Variants in SEPTIN9 observed in about 807,000 individuals in gnomAD.
SEPTIN9 encodes septin-9.
In SEPTIN9, 13 loss-of-function variants were observed where a neutral mutation model predicts 56.6. The observed-to-expected ratio is 0.23, with a 90% CI of 0.15 to 0.37. The LOEUF (loss-of-function observed/expected upper bound fraction) is 0.37, where lower values mean the gene tolerates loss of function less well. Ranked by LOEUF, SEPTIN9 falls within the 10% of genes least tolerant of loss-of-function variation. The pLI is 1.00. For synonymous variants in SEPTIN9, 332 were observed against 334.1 expected, an observed-to-expected ratio of 0.99 and a Z score of 0.07; for missense variants, 650 against 823.1, an observed-to-expected ratio of 0.79 and a Z score of 2.57.
chr17:77,420,710 G>A (rs12453822), intron 3 of SEPTIN9, among the ~76,000 whole-genome samples: 48,522 of 152,008 alleles, frequency 0.32, 8,418 homozygotes, highest in Non-Finnish European at 0.4. Context: ...CAGCTGGCAC[G>A]GGGACCTCCC....
At position 77,402,620 on chromosome 17, in the gene SEPTIN9, C is replaced by T. The variant is rs1457431185; in HGVS notation, c.638C>T (p.Pro213Leu). The T allele has an allele frequency of 3.1e-6, 5 of 1,613,018 alleles. No individual in the cohort carries two copies. In the East Asian group the frequency reaches 1.1e-4, roughly 36 times the overall value. Residue 213 changes from proline (P) to leucine (L), a missense_variant, in exon 3 of 12, where the codon CCT becomes CTT. Physicochemically the swap from Pro to Leu is moderately conservative, Grantham distance 98. Transcript: ENST00000427177. This position sits in a 1 kb window ranked among gnomAD's most constrained non-coding sequence, Gnocchi z 6.6. The stretch of plus-strand genomic sequence containing the variant: ...GCCCAGACCTTGGAGAATTCAGAGC[C>T]TGCCCCTGTGTCTCAGCTGCAGAGC... ...SPAQTLENSEPAPVSQLQSRL... is the reference protein window; with the variant it reads ...SPAQTLENSELAPVSQLQSRL...
At chr17:77,281,784 T>C in intron 1 of SEPTIN9, 1 of 502,042 alleles carries the variant, frequency 2.0e-6, no homozygotes, top group South Asian at 2.8e-5. Context: ...TCGGAGGGGC[T>C]GCCCTGGGGG....
Position 77,389,047 on chromosome 17 carries a change from A to G in SEPTIN9, c.77-13012A>G, listed in dbSNP as rs2035441956. Among the ~76,000 whole-genome samples, 1 of 151,942 alleles carries G rather than the reference A, an allele frequency of 6.6e-6. No homozygotes were observed. The highest frequency in any genetic ancestry group is 6.5e-5 in the Admixed American group (1 of 15,274). ...GCAGCTCTGTCCCGGGCCTCAGAAC[A>G]GACACTGACCAACACGCTCCTCAGG... On this transcript the variant is annotated intron_variant, in intron 2 of 11. Transcript: ENST00000427177. This position sits in a 1 kb window ranked among gnomAD's most constrained non-coding sequence, Gnocchi z 4.3.
chr17:77,341,959 T>TGTA (rs2033744991), intron 2 of SEPTIN9, among the ~76,000 whole-genome samples: 1 of 150,680 alleles, frequency 6.6e-6, no homozygotes, highest in South Asian at 2.1e-4. Context: ...GGTGGGTGCC[T>TGTA]GTAGTCCCAG....
chr17:77,305,592 A>G (rs1347526335), intron 1 of SEPTIN9, among the ~76,000 whole-genome samples: 1 of 151,966 alleles, frequency 6.6e-6, no homozygotes, highest in Non-Finnish European at 1.5e-5. Flanking sequence ...GATGGGTTCA[A>G]CTAAAATTGG....
intron 1 of SEPTIN9, among the ~76,000 whole-genome samples, chr17:77,289,567 C>G (rs1292665766): frequency 1.3e-5 from 2 of 151,730 alleles, no homozygotes; most frequent in East Asian, 1.9e-4. Context: ...CGTCACCATG[C>G]CCGGCTAATT....
In SEPTIN9 at chr17:77,281,567, C is replaced by A; in HGVS notation, c.19+13C>A. 1 of 1,538,994 alleles carries A rather than the reference C, an allele frequency of 6.5e-7. No homozygotes were observed. The highest frequency in any genetic ancestry group is 8.8e-7 in the Non-Finnish European group (1 of 1,142,202). On this transcript the variant is annotated intron_variant, in intron 1 of 11. Transcript: ENST00000427177. ...AAGTCTTACTCAGGTGGGCTTCGCG[C>A]CCGGGGTGGGGAGGGGTCGGTGTCC...
At position 77,476,928 on chromosome 17, in the gene SEPTIN9, T is replaced by G. The variant is rs925799417; in HGVS notation, c.722-5216T>G. Among the ~76,000 whole-genome samples the G allele has an allele frequency of 2.6e-5, 4 of 152,202 alleles. No individual in the cohort carries two copies. Among genetic ancestry groups the G allele is most frequent in the Admixed American group, 2.6e-4 (4 of 15,286 alleles). Reference sequence around the variant, plus strand: ...TGTGGAAAACACTGGACTCTTTATTTTATTTTACTTTACATTCTGGGATAC... The same window carrying G: ...TGTGGAAAACACTGGACTCTTTATTGTATTTTACTTTACATTCTGGGATAC... On this transcript the variant is annotated intron_variant, in intron 3 of 11. Transcript: ENST00000427177. This position sits in a 1 kb window ranked among gnomAD's most constrained non-coding sequence, Gnocchi z 6.0.
chr17:77,402,041 C>T lies in SEPTIN9; in HGVS notation c.77-18C>T, dbSNP rs1398376286. On this transcript the variant is annotated intron_variant, in intron 2 of 11. Transcript: ENST00000427177. The surrounding 1 kb of genome is among the most constrained non-coding windows in gnomAD (Gnocchi z 6.6). ...AGCCATCCATTCACCAATTGCATCC[C>T]CTCTCTTTATTTTTCAGCCTTGAAA... The T allele has an allele frequency of 1.2e-6, 2 of 1,606,330 alleles. No homozygotes were observed. Among genetic ancestry groups the T allele is most frequent in the Non-Finnish European group, 1.7e-6 (2 of 1,174,424 alleles).
At chr17:77,363,065 G>A (rs1279869323) in intron 2 of SEPTIN9, among the ~76,000 whole-genome samples, 1 of 152,220 alleles carries the variant, frequency 6.6e-6, no homozygotes, top group African/African-American at 2.4e-5. Context: ...GCAGGAGATC[G>A]GCGGCCCCGG....
intron 1 of SEPTIN9, among the ~76,000 whole-genome samples, chr17:77,292,101 C>T (rs372069929): frequency 6.6e-6 from 1 of 152,198 alleles, no homozygotes; most frequent in East Asian, 1.9e-4. Context: ...TCCTCGGCCC[C>T]TCAAGACGCA....
chr17:77,293,078 G>T (rs1211759860), intron 1 of SEPTIN9, among the ~76,000 whole-genome samples: 1 of 151,970 alleles, frequency 6.6e-6, no homozygotes, highest in Non-Finnish European at 1.5e-5. Context: ...GTGCAGTGGT[G>T]TGATCACAGC....
At chr17:77,401,562 A>G (rs1031614985) in intron 2 of SEPTIN9, among the ~76,000 whole-genome samples, 1 of 152,102 alleles carries the variant, frequency 6.6e-6, no homozygotes, top group African/African-American at 2.4e-5. Flanking sequence ...ACTGACCAAC[A>G]TGGTGAAACC....
rs146448339 is a variant in SEPTIN9 at position 77,449,360 on chromosome 17, G to A, written c.722-32784G>A. ...CAAGAGGAACCACTGCAAGAGGGGC[G>A]GCCACCTCAGCAAAGCACCCAGGAT... is the stretch of plus-strand genomic sequence containing the variant. On this transcript the variant is annotated intron_variant, in intron 3 of 11. Coordinates refer to ENST00000427177, the MANE Select transcript of SEPTIN9 (RefSeq NM_001113491.2). The surrounding 1 kb of genome is among the most constrained non-coding windows in gnomAD (Gnocchi z 4.6). Among the ~76,000 whole-genome samples the A allele has an allele frequency of 2.0e-5, 3 of 152,232 alleles. No homozygotes were observed. The highest frequency in any genetic ancestry group is 1.9e-4 in the East Asian group (1 of 5,188).
intron 2 of SEPTIN9, among the ~76,000 whole-genome samples, chr17:77,345,785 A>C (rs2143779265): frequency 6.6e-6 from 1 of 152,262 alleles, no homozygotes; most frequent in East Asian, 1.9e-4. Context: ...CTGTGGATAG[A>C]GCCTGACATG....
intron 2 of SEPTIN9, among the ~76,000 whole-genome samples, chr17:77,395,064 A>ATG (rs199931460): frequency 4.8e-5 from 7 of 146,376 alleles, no homozygotes; most frequent in African/African-American, 1.9e-4. Flanking sequence ...AGGTCTGTGT[A>ATG]TGTGTGTGTT....
intron 1 of SEPTIN9, among the ~76,000 whole-genome samples, chr17:77,301,918 C>T (rs1310546834): frequency 1.3e-5 from 2 of 152,172 alleles, no homozygotes; most frequent in African/African-American, 2.4e-5. Flanking sequence ...TCTGAGACAG[C>T]CCCATCCCTG....
intron 3 of SEPTIN9, among the ~76,000 whole-genome samples, chr17:77,471,668 C>T (rs2039001988): frequency 6.6e-6 from 1 of 152,194 alleles, no homozygotes; most frequent in South Asian, 2.1e-4. Context: ...GAAATTCCAG[C>T]CTGTGACAGA....
At position 77,329,635 on chromosome 17, in the gene SEPTIN9, G is replaced by A. The variant is rs1327396622; in HGVS notation, c.76+22438G>A. ...TGCTGAGTCTCTGGGCAGGGACATGGTGAGCCCTGGTGTGATGCACTTAAC... is the reference window on the plus strand; with the variant it reads ...TGCTGAGTCTCTGGGCAGGGACATGATGAGCCCTGGTGTGATGCACTTAAC... On this transcript the variant is annotated intron_variant, in intron 2 of 11. Coordinates refer to ENST00000427177, the MANE Select transcript of SEPTIN9 (RefSeq NM_001113491.2). The surrounding 1 kb of genome is among the most constrained non-coding windows in gnomAD (Gnocchi z 4.3). Among the ~76,000 whole-genome samples the A allele has an allele frequency of 6.6e-6, 1 of 152,120 alleles. No homozygotes were observed. The highest frequency in any genetic ancestry group is 1.9e-4 in the East Asian group (1 of 5,174).
Sources: allele counts gnomAD v4.1 joint callset (sites outside exome capture counted in the v4.1 genomes callset), GRCh38; gene constraint gnomAD v4.1.1; non-coding constraint Gnocchi (gnomAD v3.1); transcripts MANE v1.5; gene names NCBI Gene and HGNC (gene_info 2026-07-23, HGNC 2026-07-21).